TULP4: variants seen among roughly 807,000 people sequenced by gnomAD.
TULP4 encodes the protein TUB like protein 4, also known as tubby-related protein 4.
TULP4 carries 16 observed loss-of-function variants against 129.0 expected under a neutral mutation model. The observed-to-expected ratio is 0.12, with a 90% confidence interval of 0.08 to 0.19. The LOEUF is 0.19. TULP4 is among the 10% of genes least tolerant of loss of function. The pLI is 1.00. For missense variants in TULP4, 1,842 were observed against 2,059.1 expected (o/e 0.89, Z 2.04); for synonymous variants, 998 against 854.0 (o/e 1.17, Z -2.94).
intron 1 of TULP4, among the ~76,000 whole-genome samples, chr6:158,291,118 C>G (rs2128470595): frequency 6.6e-6 from 1 of 152,286 alleles, no homozygotes. Flanking sequence ...CTGTTTTGAA[C>G]AGACATTGTT....
chr6:158,364,024 A>G (rs951143618), intron 1 of TULP4, among the ~76,000 whole-genome samples: 42 of 152,220 alleles, frequency 2.8e-4, no homozygotes, highest in Admixed American at 2.2e-3. Flanking sequence ...TGTGTTAAAT[A>G]TGGAGGAAAT....
chr6:158,394,626 A>T (rs1188350244), intron 1 of TULP4, among the ~76,000 whole-genome samples: 1 of 151,458 alleles, frequency 6.6e-6, no homozygotes, highest in Non-Finnish European at 1.5e-5. Context: ...TACTAAAAAT[A>T]CAAAAAAAAA....
chr6:158,408,988 G>A (rs1485393691), intron 1 of TULP4, among the ~76,000 whole-genome samples: 1 of 152,182 alleles, frequency 6.6e-6, no homozygotes, highest in African/African-American at 2.4e-5. Flanking sequence ...GTTTTAGGTT[G>A]AGAGAAATCC....
At chr6:158,341,156 T>C (rs535944322) in intron 1 of TULP4, among the ~76,000 whole-genome samples, 4 of 152,298 alleles carry the variant, frequency 2.6e-5, no homozygotes, top group Non-Finnish European at 4.4e-5. Context: ...TTTTTTTCTT[T>C]AGCTCCTACG....
At chr6:158,336,062 A>T (rs1376688340) in intron 1 of TULP4, among the ~76,000 whole-genome samples, 10 of 152,238 alleles carry the variant, frequency 6.6e-5, no homozygotes, top group Non-Finnish European at 1.5e-5. Flanking sequence ...GCAGCAATTT[A>T]TGAGAATACC....
chr6:158,376,604 T>C (rs890955846), intron 1 of TULP4, among the ~76,000 whole-genome samples: 2 of 152,310 alleles, frequency 1.3e-5, no homozygotes, highest in Non-Finnish European at 2.9e-5. Flanking sequence ...AGTGTCACAA[T>C]TGAAGAAGAG....
intron 5 of TULP4, among the ~76,000 whole-genome samples, chr6:158,459,260 G>A (rs372829391): frequency 6.6e-6 from 1 of 152,072 alleles, no homozygotes; most frequent in Admixed American, 6.6e-5. Flanking sequence ...GAGAAAACCC[G>A]TCTCTACTGA....
chr6:158,429,641 A>G, intron 2 of TULP4, 95 bp from the exon 3 acceptor site: 1 of 1,356,886 alleles, frequency 7.4e-7, no homozygotes. Flanking sequence ...TCTCCATCTT[A>G]GCCAAAAGTC....
chr6:158,327,765 TC>T (rs1480233681), intron 1 of TULP4, among the ~76,000 whole-genome samples: 2 of 152,192 alleles, frequency 1.3e-5, no homozygotes, highest in East Asian at 3.9e-4. Context: ...TGTGTGAATC[TC>T]CCCACCACCA....
chr6:158,236,576 C>G (rs554459855), intron 1 of TULP4, among the ~76,000 whole-genome samples: 1 of 151,074 alleles, frequency 6.6e-6, no homozygotes, highest in Non-Finnish European at 1.5e-5. Flanking sequence ...TTGGAATGCT[C>G]AGAAGATTCC....
At chr6:158,441,709 T>C (rs1480536387) in intron 3 of TULP4, among the ~76,000 whole-genome samples, 1 of 152,194 alleles carries the variant, frequency 6.6e-6, no homozygotes, top group African/African-American at 2.4e-5. Context: ...TGGACCTCAA[T>C]CTTGGCCTCT....
intron 11 of TULP4, among the ~76,000 whole-genome samples, chr6:158,496,027 A>G (rs1780329551): frequency 6.6e-6 from 1 of 152,172 alleles, no homozygotes; most frequent in Admixed American, 6.5e-5. Flanking sequence ...CTCCTGCCCA[A>G]ATGAGTTGCA....
In TULP4 at chr6:158,507,036, A is replaced by T. The variant is rs978361231; in HGVS notation, c.*342A>T. ...AAGACAGTCTGCCTTAGAGCCTGCT[A>T]TTCTTTTAGACATAGGGAGGATGCA... On this transcript the variant is annotated 3_prime_UTR_variant, in exon 14 of 14. Coordinates refer to ENST00000367097, the MANE Select transcript of TULP4 (RefSeq NM_020245.5). The T allele has an allele frequency of 7.7e-6, 2 of 259,542 alleles. No homozygotes were observed. Among genetic ancestry groups the T allele is most frequent in the Admixed American group, 1.0e-4 (2 of 19,994 alleles). 16.1% of individuals were successfully genotyped at this position (259,542 alleles called of 1,614,324 possible).
At chr6:158,273,049 G>C (rs1193693341) in intron 1 of TULP4, among the ~76,000 whole-genome samples, 25 of 152,218 alleles carry the variant, frequency 1.6e-4, no homozygotes, top group Non-Finnish European at 2.1e-4. Flanking sequence ...CTTCACTGGA[G>C]CTTGAGCCTG....
chr6:158,477,831 C>T (rs531951821), intron 6 of TULP4, among the ~76,000 whole-genome samples: 212 of 152,284 alleles, frequency 1.4e-3, no homozygotes, highest in South Asian at 3.5e-3. Context: ...GCACTATTCA[C>T]AATAGCAAAG....
At chr6:158,491,432 TC>T (rs1562589153) in intron 9 of TULP4, among the ~76,000 whole-genome samples, 6,646 of 50,632 alleles carry the variant, frequency 0.13, 237 homozygotes, top group South Asian at 0.27. Flanking sequence ...TTTCTTTCTT[TC>T]TTTCTTTCTT....
intron 1 of TULP4, among the ~76,000 whole-genome samples, chr6:158,287,664 C>T (rs887732739): frequency 3.3e-5 from 5 of 152,122 alleles, no homozygotes; most frequent in Admixed American, 6.6e-5. Flanking sequence ...TTTATGGAAT[C>T]GGTGATGTCG....
chr6:158,347,830 A>AT (rs1205086971), intron 1 of TULP4, among the ~76,000 whole-genome samples: 5 of 151,082 alleles, frequency 3.3e-5, no homozygotes, highest in Admixed American at 6.6e-5. Flanking sequence ...TCACTATTAG[A>AT]TTTTTTTTTC....
chr6:158,250,221 G>A (rs1358146388), intron 1 of TULP4, among the ~76,000 whole-genome samples: 1 of 151,192 alleles, frequency 6.6e-6, no homozygotes, highest in Non-Finnish European at 1.5e-5. Context: ...GCAGTGGCAC[G>A]ATCTTGGCTT....
Sources: allele counts gnomAD v4.1 joint callset (sites outside exome capture counted in the v4.1 genomes callset), GRCh38; gene constraint gnomAD v4.1.1; transcripts MANE v1.5; gene names NCBI Gene and HGNC (gene_info 2026-07-23, HGNC 2026-07-21).